ARHGEF28: variants seen among roughly 807,000 people sequenced by gnomAD.
ARHGEF28 encodes the protein Rho guanine nucleotide exchange factor 28.
ARHGEF28 carries 152 observed loss-of-function variants against 206.6 expected under a neutral mutation model. That is an observed-to-expected ratio of 0.74 (90% confidence interval 0.64 to 0.84). The LOEUF is 0.84. Among genes scored for constraint, ARHGEF28 ranks in the 40% least tolerant of loss-of-function variants. The pLI is 0.00. For synonymous variants in ARHGEF28, 763 were observed against 776.4 expected (o/e 0.98, Z 0.29); for missense variants, 2,028 against 2,073.2 (o/e 0.98, Z 0.42).
chr5:73,643,268 G>C (rs1744232331), intron 1 of ARHGEF28, among the ~76,000 whole-genome samples: 3 of 152,168 alleles, frequency 2.0e-5, no homozygotes, highest in Admixed American at 6.5e-5. Flanking sequence ...AACAGAATGA[G>C]AGCTGTGAGT....
chr5:73,686,773 C>T (rs980400801), intron 2 of ARHGEF28, among the ~76,000 whole-genome samples: 3 of 151,980 alleles, frequency 2.0e-5, no homozygotes, highest in African/African-American at 2.4e-5. Context: ...CTGCCTGCCT[C>T]GGCCTCCCAC....
chr5:73,820,076 T>C (rs1756472880), intron 9 of ARHGEF28, among the ~76,000 whole-genome samples: 1 of 152,136 alleles, frequency 6.6e-6, no homozygotes, highest in Non-Finnish European at 1.5e-5. Context: ...TCCCAGAAAG[T>C]AGGCAGTGAA....
intron 35 of ARHGEF28, among the ~76,000 whole-genome samples, chr5:73,924,224 C>T (rs1763678301): frequency 6.6e-6 from 1 of 152,192 alleles, no homozygotes; most frequent in Non-Finnish European, 1.5e-5. Context: ...TGGATGAACA[C>T]ATCAAGTGCA....
chr5:73,826,342 T>C (rs1756903757), intron 9 of ARHGEF28, among the ~76,000 whole-genome samples: 1 of 152,296 alleles, frequency 6.6e-6, no homozygotes, highest in East Asian at 1.9e-4. Flanking sequence ...TTTCTGCTGT[T>C]CATAAAGGTC....
At chr5:73,671,729 T>C in intron 1 of ARHGEF28, among the ~76,000 whole-genome samples, 1 of 8,468 alleles carries the variant, frequency 1.2e-4, no homozygotes, top group Non-Finnish European at 1.9e-4. Flanking sequence ...TATATATATA[T>C]ATATATATAT....
At chr5:73,836,858 A>G (rs1263641576) in intron 10 of ARHGEF28, among the ~76,000 whole-genome samples, 3 of 152,088 alleles carry the variant, frequency 2.0e-5, no homozygotes, top group African/African-American at 7.2e-5. Flanking sequence ...ATAGGGATCC[A>G]GTTTCATTTT....
At chr5:73,898,338 C>T (rs1018704069) in intron 30 of ARHGEF28, 6 of 288,218 alleles carry the variant, frequency 2.1e-5, no homozygotes, top group South Asian at 1.5e-4. Context: ...CTCTGTTTGC[C>T]GGCCAAATAT....
chr5:73,804,163 A>G (rs945411135), intron 9 of ARHGEF28, among the ~76,000 whole-genome samples: 1 of 150,798 alleles, frequency 6.6e-6, no homozygotes, highest in African/African-American at 2.4e-5. Flanking sequence ...TGAGCTAGGT[A>G]GGTTCATCCA....
chr5:73,681,756 A>G (rs529002933), intron 1 of ARHGEF28, among the ~76,000 whole-genome samples: 1 of 152,272 alleles, frequency 6.6e-6, no homozygotes, highest in African/African-American at 2.4e-5. Context: ...CAGAGTTTGC[A>G]GTGAGCCAAA....
At chr5:73,671,037 CTG>C (rs1266254534) in intron 1 of ARHGEF28, among the ~76,000 whole-genome samples, 2 of 151,960 alleles carry the variant, frequency 1.3e-5, no homozygotes, top group African/African-American at 4.8e-5. Flanking sequence ...CCGATGAAAA[CTG>C]TAGAATCTTG....
At chr5:73,840,785 A>G in intron 11 of ARHGEF28, 25 bp downstream of exon 11, 1 of 1,584,378 alleles carries the variant, frequency 6.3e-7, no homozygotes. Flanking sequence ...TGTAGAGGAA[A>G]ACTGTAGAAC....
At chr5:73,698,449 C>T (rs1471530700) in intron 2 of ARHGEF28, among the ~76,000 whole-genome samples, 1 of 152,046 alleles carries the variant, frequency 6.6e-6, no homozygotes, top group Non-Finnish European at 1.5e-5. Context: ...AAATTTGATC[C>T]ATTTTGAAAA....
At chr5:73,654,526 G>C (rs1158581354) in intron 1 of ARHGEF28, among the ~76,000 whole-genome samples, 2 of 152,174 alleles carry the variant, frequency 1.3e-5, no homozygotes, top group Non-Finnish European at 2.9e-5. Context: ...GTCTGAAAGT[G>C]GGGGGACCAG....
chr5:73,755,923 T>C (rs2112410977), intron 4 of ARHGEF28, among the ~76,000 whole-genome samples: 1 of 152,314 alleles, frequency 6.6e-6, no homozygotes, highest in Non-Finnish European at 1.5e-5. Context: ...TCTGCCAGTA[T>C]TTATACATAC....
Position 73,832,363 on chromosome 5 carries a change from A to T in ARHGEF28, c.1050A>T (p.Lys350Asn). ...DLDRSFDILK[K>N]SKPPSTLLAA... Reference sequence around the variant, plus strand: ...ATCGCTCCTTCGATATCCTAAAAAAATCCAAGCCGCCCTCGACATTGCTTG... The same window carrying T: ...ATCGCTCCTTCGATATCCTAAAAAATTCCAAGCCGCCCTCGACATTGCTTG... Residue 350 changes from lysine to asparagine, a missense_variant, in exon 10 of 36, where the codon AAA becomes AAT. Physicochemically the swap from Lys to Asn is moderately conservative, Grantham distance 94 (BLOSUM62 0). Coordinates refer to ENST00000513042, the MANE Select transcript of ARHGEF28 (RefSeq NM_001177693.2). 6.2e-7 allele frequency: 1 copy of T among 1,612,842 alleles called. No individual in the cohort carries two copies. Among genetic ancestry groups the T allele is most frequent in the Non-Finnish European group, 8.5e-7 (1 of 1,179,398 alleles).
chr5:73,750,526 C>G (rs1213808978), intron 3 of ARHGEF28, among the ~76,000 whole-genome samples: 4 of 152,038 alleles, frequency 2.6e-5, no homozygotes, highest in African/African-American at 9.7e-5. Context: ...CTTTCTCTCC[C>G]CATCATCAAA....
chr5:73,630,608 C>T (rs1421527051), intron 1 of ARHGEF28, among the ~76,000 whole-genome samples: 1 of 152,108 alleles, frequency 6.6e-6, no homozygotes, highest in Non-Finnish European at 1.5e-5. Context: ...GTCAGTGTGA[C>T]CCCAGGAGAA....
intron 22 of ARHGEF28, among the ~76,000 whole-genome samples, chr5:73,877,885 A>G (rs1760633310): frequency 6.6e-6 from 1 of 152,054 alleles, no homozygotes; most frequent in Non-Finnish European, 1.5e-5. Context: ...GTGTGCTGAA[A>G]AAAATATATA....
intron 9 of ARHGEF28, among the ~76,000 whole-genome samples, chr5:73,800,018 A>C (rs963599626): frequency 1.3e-5 from 2 of 152,210 alleles, no homozygotes; most frequent in African/African-American, 4.8e-5. Context: ...AAATTATGTT[A>C]GTCTTCTATA....
Sources: allele counts gnomAD v4.1 joint callset (sites outside exome capture counted in the v4.1 genomes callset), GRCh38; gene constraint gnomAD v4.1.1; transcripts MANE v1.5; gene names NCBI Gene and HGNC (gene_info 2026-07-23, HGNC 2026-07-21).